The following LIMD2 variants were observed in gnomAD, a reference collection of about 807,000 sequenced individuals.
LIMD2 encodes the protein LIM domain containing 2, also known as LIM domain-containing protein 2.
LIMD2 carries 11 observed loss-of-function variants against 16.0 expected under a neutral mutation model. The ratio of observed to expected loss-of-function variants is 0.69; its 90% CI spans 0.43 to 1.14. LIMD2 has a LOEUF of 1.14. Among genes scored for constraint, LIMD2 ranks in the 50% most tolerant of loss-of-function variants. The pLI is 0.00. For synonymous variants in LIMD2, 60 were observed against 67.1 expected (o/e 0.89, Z 0.52); for missense variants, 168 against 165.8 (o/e 1.01, Z -0.07).
In LIMD2 at chr17:63,698,664, T is replaced by A; in HGVS notation, c.272A>T (p.His91Leu). ...ALHGEFYCKP[H>L]FQQLFKSKGN... Reference sequence around the variant, plus strand: ...TTTGCTCTTAAACAGCTGCTGGAAGTGGGGTTTGCAGTAGAACTCCCCGTG... The same window carrying A: ...TTTGCTCTTAAACAGCTGCTGGAAGAGGGGTTTGCAGTAGAACTCCCCGTG... Residue 91 changes from histidine to leucine, a missense_variant, in exon 5 of 5, where the codon CAC becomes CTC. Physicochemically the swap from His to Leu is moderately conservative, Grantham distance 99. Coordinates refer to ENST00000259006, the MANE Select transcript of LIMD2 (RefSeq NM_030576.4). The A allele has an allele frequency of 4.3e-6, 7 of 1,613,542 alleles. No homozygotes were observed. The highest frequency in any genetic ancestry group is 3.4e-6 in the Non-Finnish European group (4 of 1,179,986).
At chr17:63,699,378 C>G (rs1189565551) in intron 1 of LIMD2, 30 bp from the exon 2 acceptor site, 8 of 1,514,042 alleles carry the variant, frequency 5.3e-6, no homozygotes, top group African/African-American at 4.1e-5. Flanking sequence ...GGGAGGGCCC[C>G]GCCAGCCCGG....
In LIMD2 at chr17:63,699,360, A is replaced by C; in HGVS notation, c.-50-12T>G. 1 of 1,548,168 alleles carries C rather than the reference A, an allele frequency of 6.5e-7. No individual in the cohort carries two copies. The highest frequency in any genetic ancestry group is 1.2e-5 in the South Asian group (1 of 81,368). Reference sequence around the variant, plus strand: ...GCACCCGCTGGGTTCTGCAAGGGGAAGTCAGTCGGGAGGGCCCCGCCAGCC... The same window carrying C: ...GCACCCGCTGGGTTCTGCAAGGGGACGTCAGTCGGGAGGGCCCCGCCAGCC... On this transcript the variant is annotated splice_polypyrimidine_tract_variant and intron_variant, in intron 1 of 4. Coordinates refer to ENST00000259006, the MANE Select transcript of LIMD2 (RefSeq NM_030576.4).
rs1182129599 is a variant in LIMD2 at position 63,698,079 on chromosome 17, C to G, written c.*473G>C. On this transcript the variant is annotated 3_prime_UTR_variant, in exon 5 of 5. Transcript: ENST00000259006. Reference sequence around the variant, plus strand: ...ATGGGCTGCAGGGGCATTTATGATGCCCAACAGGTGGCACTGTCGCGCTCC... The same window carrying G: ...ATGGGCTGCAGGGGCATTTATGATGGCCAACAGGTGGCACTGTCGCGCTCC... The G allele has an allele frequency of 6.0e-6, 1 of 166,900 alleles. No homozygotes were observed. The highest frequency in any genetic ancestry group is 1.3e-5 in the Non-Finnish European group (1 of 75,830). 10.3% of individuals were successfully genotyped at this position (166,900 alleles called of 1,614,324 possible).
upstream of LIMD2, chr17:63,700,134 A>ACCGCCGCCG (rs1301720824): frequency 2.0e-6 from 2 of 981,466 alleles, no homozygotes; most frequent in Non-Finnish European, 2.4e-6. This position sits in a 1 kb window ranked among gnomAD's most constrained non-coding sequence, Gnocchi z 7.1. Context: ...TCCCCGAGCC[A>ACCGCCGCCG]CCGCCGCCGC....
At chr17:63,699,598 C>A in intron 1 of LIMD2, 1 of 356,766 alleles carries the variant, frequency 2.8e-6, no homozygotes, top group Non-Finnish European at 4.9e-6. Context: ...CGGGGGCTCC[C>A]GCGCAGCCGC....
At chr17:63,701,004 C>G (rs544191736), upstream of LIMD2, 1 of 152,324 alleles carries the variant, frequency 6.6e-6, no homozygotes, top group South Asian at 2.1e-4. Flanking sequence ...ACGTGGGAGC[C>G]GCGGCCCAGA....
chr17:63,699,094 AG>A, intron 2 of LIMD2, 25 bp from the exon 3 acceptor site: 1 of 1,594,276 alleles, frequency 6.3e-7, no homozygotes, highest in Admixed American at 1.7e-5. Context: ...CGGTCAGGGC[AG>A]GGGCAGCTCC....
At chr17:63,700,175 G>A (rs893851796), upstream of LIMD2, 110 of 980,168 alleles carry the variant, frequency 1.1e-4, no homozygotes, top group African/African-American at 1.9e-3. The surrounding 1 kb of genome is among the most constrained non-coding windows in gnomAD (Gnocchi z 7.1). Context: ...GCCCCCGCCG[G>A]CCCCCGCCCC....
In LIMD2 at chr17:63,697,285, AATG is replaced by A. The variant is rs2035706909; in HGVS notation, c.*1264_*1266del. On this transcript the variant is annotated 3_prime_UTR_variant, in exon 5 of 5. Transcript: ENST00000259006. ...GGGGATGATGACAGCAGCGAGGGGTAATGATGAGGGGGGACAATCCAGGGGTCA... is the reference window on the plus strand; with the variant it reads ...GGGGATGATGACAGCAGCGAGGGGTAATGAGGGGGGACAATCCAGGGGTCA... 6.6e-6 allele frequency: 1 copy of A among 152,292 alleles called. No individual in the cohort carries two copies. The highest frequency in any genetic ancestry group is 1.5e-5 in the Non-Finnish European group (1 of 68,096). 9.4% of individuals were successfully genotyped at this position (152,292 alleles called of 1,614,324 possible). A position where few individuals can be genotyped will look rare whatever the true frequency, so the allele number is the denominator to read the frequency against.
At chr17:63,699,882 C>G in intron 1 of LIMD2, 150 bp downstream of exon 1, 1 of 984,376 alleles carries the variant, frequency 1.0e-6, no homozygotes, top group South Asian at 4.7e-5. Flanking sequence ...AGCCGGGGGC[C>G]GGCCCTGAAA....
intron 1 of LIMD2, 191 bp downstream of exon 1, chr17:63,699,841 C>T: frequency 1.0e-6 from 1 of 983,806 alleles, no homozygotes; most frequent in Non-Finnish European, 1.2e-6. Flanking sequence ...CCCGACGCCG[C>T]GAGCCCCGCC....
Position 63,697,939 on chromosome 17 carries a change from G to T in LIMD2, c.*613C>A. On this transcript the variant is annotated 3_prime_UTR_variant, in exon 5 of 5. Coordinates refer to ENST00000259006, the MANE Select transcript of LIMD2 (RefSeq NM_030576.4). ...TGCCTGAGGCTGCAGCCTGGCGAGT[G>T]CTTTTGCTTCTGCTTCTCCACGCTG... 1 of 153,456 alleles carries T rather than the reference G, an allele frequency of 6.5e-6. No individual in the cohort carries two copies. Among genetic ancestry groups the T allele is most frequent in the Non-Finnish European group, 1.5e-5 (1 of 68,766 alleles). The allele number at this position is 153,456 out of a possible 1,614,324, so 9.5% of individuals were successfully genotyped here. A position where few individuals can be genotyped will look rare whatever the true frequency, so the allele number is the denominator to read the frequency against.
intron 2 of LIMD2, 27 bp from the exon 3 acceptor site, chr17:63,699,096 G>T: frequency 6.3e-7 from 1 of 1,591,080 alleles, no homozygotes; most frequent in Non-Finnish European, 8.5e-7. Context: ...GTCAGGGCAG[G>T]GGCAGCTCCG....
upstream of LIMD2, chr17:63,700,338 C>G: frequency 4.4e-6 from 1 of 226,036 alleles, no homozygotes; most frequent in South Asian, 1.5e-4. The surrounding 1 kb of genome is among the most constrained non-coding windows in gnomAD (Gnocchi z 7.1). Flanking sequence ...CGCAGCGCCC[C>G]GCGGGCCTCG....
Position 63,698,470 on chromosome 17 carries a change from G to T in LIMD2, c.*82C>A. ...CATCCCCTTCCCACCTGGCCCCCAC[G>T]CAAGCCCAGCTCGACCTCCTTCCCA... On this transcript the variant is annotated 3_prime_UTR_variant, in exon 5 of 5. Transcript: ENST00000259006. 4.7e-6 allele frequency: 7 copies of T among 1,497,010 alleles called. No homozygotes were observed. The highest frequency in any genetic ancestry group is 6.3e-6 in the Non-Finnish European group (7 of 1,111,534). The allele number at this position is 1,497,010 out of a possible 1,614,324, so 92.7% of individuals were successfully genotyped here.
upstream of LIMD2, chr17:63,700,175 G>GCC: frequency 1.0e-6 from 1 of 980,158 alleles, no homozygotes; most frequent in Non-Finnish European, 1.2e-6. The surrounding 1 kb of genome is among the most constrained non-coding windows in gnomAD (Gnocchi z 7.1). Flanking sequence ...GCCCCCGCCG[G>GCC]CCCCCGCCCC....
At chr17:63,700,545 G>C (rs1467735619), upstream of LIMD2, 1 of 152,262 alleles carries the variant, frequency 6.6e-6, no homozygotes, top group South Asian at 2.1e-4. This position sits in a 1 kb window ranked among gnomAD's most constrained non-coding sequence, Gnocchi z 7.1. Context: ...ACCGGGCGGG[G>C]CCTGGGCCAT....
intron 1 of LIMD2, 187 bp from the exon 2 acceptor site, chr17:63,699,535 G>T (rs931047503): frequency 5.4e-6 from 3 of 552,378 alleles, no homozygotes; most frequent in Middle Eastern, 5.0e-4. Flanking sequence ...AGGGGCCGGG[G>T]TCCCGAGTGG....
Position 63,698,915 on chromosome 17 carries a change from C to T in LIMD2, c.108G>A (p.Val36=). 1 of 1,612,822 alleles carries T rather than the reference C, an allele frequency of 6.2e-7. No homozygotes were observed. The highest frequency in any genetic ancestry group is 8.5e-7 in the Non-Finnish European group (1 of 1,179,938). ...TCTGGCAGGCGGCGCAGGTCTCCTT[C>T]ACCTGGGCCCGCAGGCTGAAGGACT... ...RSKSFSLRAQ[V]KETCAACQKT... The change falls in exon 4 of 5, where the codon GTG becomes GTA. Residue 36 remains valine, a synonymous_variant. Coordinates refer to ENST00000259006, the MANE Select transcript of LIMD2 (RefSeq NM_030576.4).
Sources: gnomAD v4.1 joint callset for allele counts on GRCh38, gnomAD v4.1.1 for gene constraint, Gnocchi (gnomAD v3.1) non-coding constraint, MANE v1.5 for transcripts, NCBI Gene and HGNC (gene_info 2026-07-23, HGNC 2026-07-21) for gene names.